The following RET variants were observed in gnomAD, a reference collection of about 807,000 sequenced individuals.
The protein encoded by RET is ret proto-oncogene.
In RET, 19 loss-of-function variants were observed where a neutral mutation model predicts 118.3. That is an observed-to-expected ratio of 0.16 (90% CI 0.11 to 0.24). The LOEUF is 0.24. Ranked by LOEUF, RET falls within the 10% of genes least tolerant of loss-of-function variation. RET has a pLI of 1.00. For missense variants in RET, 1,219 were observed against 1,502.1 expected, an observed-to-expected ratio of 0.81 and a Z score of 3.12; for synonymous variants, 597 against 644.1, an observed-to-expected ratio of 0.93 and a Z score of 1.11.
Position 43,109,116 on chromosome 10 carries a change from C to G in RET, c.1149C>G (p.Gly383=). Residue 383 remains glycine, a synonymous_variant, in exon 6 of 20, where the codon GGC becomes GGG. Transcript: ENST00000355710. Reference sequence around the variant, plus strand: ...TGGTCAATGACTCAGACTTCCAGGGCCCAGGAGCGGGCGTCCTCTTGCTCC... The same window carrying G: ...TGGTCAATGACTCAGACTTCCAGGGGCCAGGAGCGGGCGTCCTCTTGCTCC... ...AVLVNDSDFQ[G]PGAGVLLLHF... The G allele has an allele frequency of 6.2e-7, 1 of 1,613,918 alleles. No homozygotes were observed. Among genetic ancestry groups the G allele is most frequent in the Non-Finnish European group, 8.5e-7 (1 of 1,180,034 alleles).
Position 43,090,089 on chromosome 10 carries a change from CTG to C in RET, c.74-10366_74-10365del, listed in dbSNP as rs1410927693. Among the ~76,000 whole-genome samples, 7 of 152,186 alleles carry C rather than the reference CTG, an allele frequency of 4.6e-5. No homozygotes were observed. In the East Asian group the frequency reaches 9.6e-4, roughly 21 times the overall value. Reference sequence around the variant, plus strand: ...TGCAGGCAGCTGCACATACCAGGCTCTGTGTATGAAAGGGAAACTGGACATGT... The same window carrying C: ...TGCAGGCAGCTGCACATACCAGGCTCTGTATGAAAGGGAAACTGGACATGT... On this transcript the variant is annotated intron_variant, in intron 1 of 19. Coordinates refer to ENST00000355710, the MANE Select transcript of RET (RefSeq NM_020975.6).
intron 1 of RET, among the ~76,000 whole-genome samples, chr10:43,079,163 G>A (rs896611855): frequency 6.6e-6 from 1 of 152,090 alleles, no homozygotes; most frequent in Non-Finnish European, 1.5e-5. Flanking sequence ...AGAGGATGAG[G>A]GTTCTTCCAC....
chr10:43,110,306 T>G (rs1254859450), intron 6 of RET, among the ~76,000 whole-genome samples: 3 of 152,160 alleles, frequency 2.0e-5, no homozygotes, highest in African/African-American at 7.2e-5. Flanking sequence ...AGCTGTGAAT[T>G]AGGGACAGGA....
chr10:43,077,931 C>T (rs1036243392), intron 1 of RET, among the ~76,000 whole-genome samples: 2 of 152,234 alleles, frequency 1.3e-5, no homozygotes, highest in African/African-American at 2.4e-5. Context: ...GGGTGGCTCC[C>T]CCCGAGGGGC....
At chr10:43,100,844 C>T (rs973527288) in intron 2 of RET, 122 bp downstream of exon 2, 7 of 1,133,666 alleles carry the variant, frequency 6.2e-6, no homozygotes, top group South Asian at 4.1e-5. Flanking sequence ...GTGTGGAAGG[C>T]GTCAGGGGTT....
chr10:43,112,825 G>A (rs2132812251), intron 8 of RET, 28 bp from the exon 9 acceptor site: 1 of 1,593,776 alleles, frequency 6.3e-7, no homozygotes, highest in Non-Finnish European at 8.6e-7. Context: ...TCCCACATGG[G>A]TGACAGCCTG....
At chr10:43,107,536 G>A (rs1359308580) in intron 5 of RET, among the ~76,000 whole-genome samples, 2 of 143,952 alleles carry the variant, frequency 1.4e-5, no homozygotes, top group African/African-American at 5.1e-5. Context: ...CCTTGGTAAT[G>A]TAGACCTTTA....
intron 19 of RET, among the ~76,000 whole-genome samples, chr10:43,127,764 C>T (rs891027195): frequency 6.6e-6 from 1 of 151,746 alleles, no homozygotes; most frequent in African/African-American, 2.4e-5. Flanking sequence ...TTTTATAGAA[C>T]GTTTCCGCTG....
Position 43,105,110 on chromosome 10 carries a change from G to A in RET, c.784G>A (p.Val262Met), listed in dbSNP as rs775772444. ...GGTGATGGTGCCCTTCCCGGTGACCGTGTACGACGAGGACGACTCGGCGCC... is the reference window on the plus strand; with the variant it reads ...GGTGATGGTGCCCTTCCCGGTGACCATGTACGACGAGGACGACTCGGCGCC... ...EVVMVPFPVT[V>M]YDEDDSAPTF... The change falls in exon 4 of 20, where the codon GTG (valine) becomes ATG (methionine). Residue 262 changes from valine to methionine, a missense_variant. By Grantham distance (21) the Val-to-Met change is conservative. Around this residue, in one of 5 missense-constraint regions of RET, gnomAD observed 850 missense variants for 969.6 expected, o/e 0.88. Coordinates refer to ENST00000355710, the MANE Select transcript of RET (RefSeq NM_020975.6). 1.9e-6 allele frequency: 3 copies of A among 1,612,334 alleles called. No individual in the cohort carries two copies. Among genetic ancestry groups the A allele is most frequent in the Non-Finnish European group, 2.5e-6 (3 of 1,179,820 alleles).
At chr10:43,125,102 AG>A in intron 18 of RET, 120 bp downstream of exon 18, 1 of 908,362 alleles carries the variant, frequency 1.1e-6, no homozygotes, top group Non-Finnish European at 1.8e-6. Context: ...GGGATTGTGC[AG>A]AGAGAGAGAG....
intron 17 of RET, among the ~76,000 whole-genome samples, 196 bp from the exon 18 acceptor site, chr10:43,124,687 G>A (rs372214072): frequency 5.9e-5 from 9 of 152,220 alleles, no homozygotes; most frequent in African/African-American, 1.4e-4. Context: ...AGTGGCCCAC[G>A]GGCTGGGATC....
Position 43,130,256 on chromosome 10 carries a change from A to G in RET, c.*1987A>G, listed in dbSNP as rs947733162. 7.9e-6 allele frequency: 3 copies of G among 380,024 alleles called. No individual in the cohort carries two copies. The highest frequency in any genetic ancestry group is 1.4e-5 in the Non-Finnish European group (3 of 215,316). 23.5% of individuals were successfully genotyped at this position (380,024 alleles called of 1,614,324 possible). A position where few individuals can be genotyped will look rare whatever the true frequency, so the allele number is the denominator to read the frequency against. ...TCAGTTATTAAAATTTGTAAAATCTATTTATGAAAGGTCATTAAACCAGAT... is the reference window on the plus strand; with the variant it reads ...TCAGTTATTAAAATTTGTAAAATCTGTTTATGAAAGGTCATTAAACCAGAT... On this transcript the variant is annotated 3_prime_UTR_variant, in exon 20 of 20. Transcript: ENST00000355710.
chr10:43,114,367 C>T lies in RET; in HGVS notation c.1880-113C>T. 2 of 1,462,370 alleles carry T rather than the reference C, an allele frequency of 1.4e-6. No homozygotes were observed. The highest frequency in any genetic ancestry group is 1.9e-6 in the Non-Finnish European group (2 of 1,073,312). 90.6% of individuals were successfully genotyped at this position (1,462,370 alleles called of 1,614,324 possible). On this transcript the variant is annotated intron_variant, in intron 10 of 19. Transcript: ENST00000355710. The surrounding 1 kb of genome is among the most constrained non-coding windows in gnomAD (Gnocchi z 4.6). Reference sequence around the variant, plus strand: ...TTCCCACACCTCCATGGCCACTTCCCAGCTGGCGCGGACACGGCAGGCTGG... The same window carrying T: ...TTCCCACACCTCCATGGCCACTTCCTAGCTGGCGCGGACACGGCAGGCTGG...
intron 1 of RET, among the ~76,000 whole-genome samples, chr10:43,093,913 C>T (rs1201694999): frequency 4.0e-5 from 6 of 151,810 alleles, no homozygotes; most frequent in Non-Finnish European, 8.8e-5. Context: ...GGGGGTGGGA[C>T]ACAGTGGCAG....
chr10:43,103,667 C>G (rs145285428), intron 3 of RET, among the ~76,000 whole-genome samples: 1 of 152,212 alleles, frequency 6.6e-6, no homozygotes, highest in African/African-American at 2.4e-5. Context: ...ACTTATGCTT[C>G]CCCAGATTCC....
chr10:43,119,409 G>A lies in RET; in HGVS notation c.2393-122G>A, dbSNP rs1838148088. 9.6e-6 allele frequency: 7 copies of A among 730,136 alleles called. No individual in the cohort carries two copies. In the South Asian group the frequency reaches 1.0e-4, roughly 11 times the overall value. 45.2% of individuals were successfully genotyped at this position (730,136 alleles called of 1,614,324 possible). ...CAGCAGTGCTGCCTGAGGCAGGGCT[G>A]TGTCCACCCCCTTACTCATTGGGTG... is the stretch of plus-strand genomic sequence containing the variant. On this transcript the variant is annotated intron_variant, in intron 13 of 19. Transcript: ENST00000355710.
intron 11 of RET, among the ~76,000 whole-genome samples, chr10:43,115,771 A>C (rs1224870119): frequency 1.3e-5 from 2 of 152,210 alleles, no homozygotes; most frequent in African/African-American, 4.8e-5. Context: ...TGTCGCCCTC[A>C]TGTGCTTATT....
intron 5 of RET, 139 bp from the exon 6 acceptor site, chr10:43,108,892 G>T (rs1196324636): frequency 9.7e-6 from 8 of 824,724 alleles, no homozygotes; most frequent in Non-Finnish European, 1.4e-5. Context: ...CCAGCCCCAG[G>T]CCTGTTGCAT....
Position 43,111,329 on chromosome 10 carries a change from G to A in RET, c.1386G>A (p.Ser462=), listed in dbSNP as rs587780807. The A allele has an allele frequency of 4.3e-5, 69 of 1,614,002 alleles. No homozygotes were observed. The highest frequency in any genetic ancestry group is 5.5e-5 in the Non-Finnish European group (65 of 1,180,048). The part of the protein sequence containing the change: ...LGVVTSAEDT[S]GILFVNDTKA... ...TGGTCACCTCAGCCGAGGACACCTCGGGGATCCTGTTTGTGAATGACACCA... is the reference window on the plus strand; with the variant it reads ...TGGTCACCTCAGCCGAGGACACCTCAGGGATCCTGTTTGTGAATGACACCA... The change falls in exon 7 of 20, where the codon TCG becomes TCA. Residue 462 remains serine (S), a synonymous_variant. Coordinates refer to ENST00000355710, the MANE Select transcript of RET (RefSeq NM_020975.6).
Sources: allele counts gnomAD v4.1 joint callset (sites outside exome capture counted in the v4.1 genomes callset), GRCh38; gene constraint gnomAD v4.1.1; regional missense constraint gnomAD v4.1.1; non-coding constraint Gnocchi (gnomAD v3.1); transcripts MANE v1.5; gene names NCBI Gene and HGNC (gene_info 2026-07-23, HGNC 2026-07-21).